Variants in GGNBP2 observed in about 807,000 individuals in gnomAD.
GGNBP2 encodes gametogenetin binding protein 2.
A neutral mutation model predicts 85.9 loss-of-function variants in GGNBP2; 10 were observed. That is an observed-to-expected ratio of 0.12 (90% CI 0.07 to 0.20). The LOEUF is 0.20. Among genes scored for constraint, GGNBP2 ranks in the 10% least tolerant of loss-of-function variants. The pLI is 1.00. For missense variants in GGNBP2, 595 were observed against 857.8 expected (o/e 0.69, Z 3.83); for synonymous variants, 287 against 285.7 (o/e 1.00, Z -0.05).
chr17:36,583,554 G>T (rs556134888), intron 9 of GGNBP2, among the ~76,000 whole-genome samples: 1 of 151,982 alleles, frequency 6.6e-6, no homozygotes, highest in South Asian at 2.1e-4. Flanking sequence ...CTCCTCCTGG[G>T]TTCAAGCGAT....
intron 5 of GGNBP2, among the ~76,000 whole-genome samples, chr17:36,567,119 A>T (rs1005204145): frequency 1.3e-5 from 2 of 152,164 alleles, no homozygotes; most frequent in South Asian, 4.1e-4. Flanking sequence ...AATACTTGAT[A>T]ATTTTTTCGG....
At chr17:36,560,193 A>G (rs545800597) in intron 4 of GGNBP2, among the ~76,000 whole-genome samples, 195 of 152,194 alleles carry the variant, frequency 1.3e-3, no homozygotes, top group African/African-American at 4.4e-3. Context: ...CCTGGCCTCA[A>G]GTGATCCTCT....
Position 36,575,648 on chromosome 17 carries a change from A to ATATATAT in GGNBP2, c.642-2334_642-2333insATATATT, listed in dbSNP as rs374366757. ...TATATATATATATATATATATATAT[A>ATATATAT]TTTTTTTTTTTTTTTGAGATGGAGT... On this transcript the variant is annotated intron_variant, in intron 6 of 13. Coordinates refer to ENST00000613102, the MANE Select transcript of GGNBP2 (RefSeq NM_024835.5). 1.5e-3 allele frequency among the ~76,000 whole-genome samples: 82 copies of ATATATAT among 54,898 alleles called. 1 individual carries two copies. The highest frequency in any genetic ancestry group is 7.6e-3 in the African/African-American group (70 of 9,182). The allele number at this position is 54,898 out of a possible 152,430, so 36.0% of individuals were successfully genotyped here. A position where few individuals can be genotyped will look rare whatever the true frequency, so the allele number is the denominator to read the frequency against.
chr17:36,578,606 G>A (rs531260644), intron 7 of GGNBP2: 1 of 163,090 alleles, frequency 6.1e-6, no homozygotes, highest in African/African-American at 2.4e-5. Context: ...TTCACGAACT[G>A]TGTATATTAT....
At chr17:36,545,463 G>T in intron 1 of GGNBP2, 156 bp from the exon 2 acceptor site, 1 of 405,102 alleles carries the variant, frequency 2.5e-6, no homozygotes, top group South Asian at 7.0e-5. Context: ...GCGGGTCCCG[G>T]CGGCGCTGGG....
At chr17:36,581,290 A>G (rs965478224) in intron 8 of GGNBP2, 54 bp from the exon 9 acceptor site, 11 of 1,283,388 alleles carry the variant, frequency 8.6e-6, no homozygotes, top group Non-Finnish European at 1.1e-5. Context: ...GTCTCAAAAA[A>G]AAAAGAAAAG....
chr17:36,546,720 A>G lies in GGNBP2; in HGVS notation c.93+903A>G, dbSNP rs73278811. On this transcript the variant is annotated intron_variant, in intron 2 of 13. Coordinates refer to ENST00000613102, the MANE Select transcript of GGNBP2 (RefSeq NM_024835.5). ...AATATCTTTTGAAATCTGCGTTTTG[A>G]TGATGCTGAAGCTTTGGATTATACA... is the stretch of plus-strand genomic sequence containing the variant. The G allele has an allele frequency of 4.4e-3, 673 of 152,330 alleles. 8 individuals are homozygous for G. The highest frequency in any genetic ancestry group is 0.016 in the African/African-American group (660 of 41,578). 9.4% of individuals were successfully genotyped at this position (152,330 alleles called of 1,614,324 possible).
chr17:36,553,245 G>A (rs1299511147), intron 2 of GGNBP2, among the ~76,000 whole-genome samples: 1 of 152,158 alleles, frequency 6.6e-6, no homozygotes, highest in Non-Finnish European at 1.5e-5. Context: ...GAAAGATAAA[G>A]TATACACACT....
intron 5 of GGNBP2, among the ~76,000 whole-genome samples, chr17:36,566,552 G>A (rs1014586419): frequency 6.6e-6 from 1 of 151,878 alleles, no homozygotes; most frequent in Non-Finnish European, 1.5e-5. Context: ...GGTGGTACAC[G>A]CCTATGGTCC....
chr17:36,550,048 G>C (rs1400970273), intron 2 of GGNBP2, among the ~76,000 whole-genome samples: 1 of 151,484 alleles, frequency 6.6e-6, no homozygotes, highest in Non-Finnish European at 1.5e-5. Context: ...GGTGATTCTT[G>C]GGCCTCAACC....
At chr17:36,577,680 A>C (rs1567831187) in intron 6 of GGNBP2, 3 of 398,980 alleles carry the variant, frequency 7.5e-6, no homozygotes, top group Admixed American at 4.0e-5. Context: ...GAGATATGCT[A>C]GTTCTTGGCA....
At chr17:36,575,756 C>T (rs557529146) in intron 6 of GGNBP2, among the ~76,000 whole-genome samples, 22 of 148,508 alleles carry the variant, frequency 1.5e-4, no homozygotes, top group African/African-American at 5.2e-4. Context: ...AAGCAATTCT[C>T]CTGCCTCAGC....
intron 6 of GGNBP2, chr17:36,575,076 T>C: frequency 1.0e-6 from 1 of 980,150 alleles, no homozygotes; most frequent in East Asian, 2.4e-5. Context: ...TCAGATTCCT[T>C]CATGGGCAGG....
intron 2 of GGNBP2, among the ~76,000 whole-genome samples, chr17:36,552,878 C>A (rs2074324025): frequency 6.6e-6 from 1 of 151,900 alleles, no homozygotes; most frequent in African/African-American, 2.4e-5. Flanking sequence ...AAATATTAAC[C>A]ATGTTTGGTG....
At chr17:36,575,637 TATATATATATA>T (rs1555607581) in intron 6 of GGNBP2, among the ~76,000 whole-genome samples, 156 of 73,876 alleles carry the variant, frequency 2.1e-3, no homozygotes, top group East Asian at 3.6e-3. Context: ...TATATATATA[TATATATATATA>T]TTTTTTTTTT....
At chr17:36,588,812 T>C (rs532016166) in intron 13 of GGNBP2, among the ~76,000 whole-genome samples, 1 of 152,206 alleles carries the variant, frequency 6.6e-6, no homozygotes, top group South Asian at 2.1e-4. Flanking sequence ...ACTTCTTAAG[T>C]AGAAAATGGT....
intron 2 of GGNBP2, among the ~76,000 whole-genome samples, chr17:36,551,893 C>T (rs558389912): frequency 2.0e-5 from 3 of 152,136 alleles, no homozygotes; most frequent in Admixed American, 2.0e-4. Context: ...CTTTGATCTC[C>T]GTTTCAATTT....
chr17:36,545,868 C>T, intron 2 of GGNBP2, 51 bp downstream of exon 2: 1 of 1,249,116 alleles, frequency 8.0e-7, no homozygotes, highest in Non-Finnish European at 1.1e-6. Flanking sequence ...CAGCTGTTTC[C>T]CCTCCTCCCC....
chr17:36,561,047 A>G (rs987286575), intron 5 of GGNBP2, among the ~76,000 whole-genome samples, 176 bp downstream of exon 5: 3 of 152,250 alleles, frequency 2.0e-5, no homozygotes, highest in Admixed American at 1.3e-4. Flanking sequence ...CTTGATATAT[A>G]TAAAGTCTCA....
Sources: allele counts gnomAD v4.1 joint callset (sites outside exome capture counted in the v4.1 genomes callset), GRCh38; gene constraint gnomAD v4.1.1; transcripts MANE v1.5; gene names NCBI Gene and HGNC (gene_info 2026-07-23, HGNC 2026-07-21).